The following LRRC49 variants were observed in gnomAD, a reference collection of about 807,000 sequenced individuals.
The protein encoded by LRRC49 is leucine-rich repeat-containing protein 49.
Under a neutral mutation model 83.3 loss-of-function variants are expected in LRRC49, and 50 were observed. That is an observed-to-expected ratio of 0.60 (90% CI 0.48 to 0.76). LRRC49 has a LOEUF of 0.76. LRRC49 is among the 30% of genes least tolerant of loss of function. LRRC49 has a pLI of 0.00. For missense variants in LRRC49, 704 were observed against 809.1 expected (o/e 0.87, Z 1.58); for synonymous variants, 286 against 283.3 (o/e 1.01, Z -0.10).
chr15:70,984,039 C>G, intron 10 of LRRC49, 55 bp from the exon 11 acceptor site: 2 of 1,424,892 alleles, frequency 1.4e-6, no homozygotes, highest in Non-Finnish European at 2.0e-6. Flanking sequence ...TTAGATGTCA[C>G]TTCTGCTACA....
chr15:70,855,468 C>G (rs2032633621), intron 1 of LRRC49, among the ~76,000 whole-genome samples: 1 of 152,306 alleles, frequency 6.6e-6, no homozygotes, highest in Middle Eastern at 3.4e-3. Context: ...ATTTGCCACA[C>G]TGGGACCCCA....
upstream of LRRC49, chr15:70,892,129 A>T (rs1380215488): frequency 1.2e-6 from 2 of 1,613,712 alleles, no homozygotes. Context: ...CCGAGCGGTC[A>T]TTGCCTCCGT....
intron 9 of LRRC49, among the ~76,000 whole-genome samples, chr15:70,964,852 T>G (rs903755730): frequency 5.9e-5 from 9 of 152,308 alleles, no homozygotes; most frequent in African/African-American, 2.2e-4. Context: ...CACCTAGGTT[T>G]ATGCAGTTGC....
intron 10 of LRRC49, 32 bp downstream of exon 10, chr15:70,980,216 T>C: frequency 6.7e-7 from 1 of 1,494,048 alleles, no homozygotes; most frequent in Non-Finnish European, 9.2e-7. Context: ...TGGATGTGTG[T>C]GCACACGTAG....
chr15:70,894,697 C>T (rs756503364), intron 2 of LRRC49: 74 of 1,029,460 alleles, frequency 7.2e-5, no homozygotes, highest in Non-Finnish European at 8.9e-5. Context: ...ATTAAATAGG[C>T]GTCACTGGAA....
exon 2 of LRRC49, chr15:70,873,150 G>A (rs1160348852): frequency 1.7e-5 from 25 of 1,479,690 alleles, no homozygotes; most frequent in Non-Finnish European, 2.2e-5. Context: ...CTCCCAAAGT[G>A]TTGGGATTAC....
Position 70,866,380 on chromosome 15 carries a change from C to T in LRRC49, c.-298-6528C>T, listed in dbSNP as rs145948625. 5.2e-3 allele frequency among the ~76,000 whole-genome samples: 789 copies of T among 152,138 alleles called. 9 individuals carry two copies. Among genetic ancestry groups the T allele is most frequent in the African/African-American group, 0.018 (737 of 41,486 alleles). Reference sequence around the variant, plus strand: ...CAGGATGGTCTCCATCTCTTGATCTCGTGATCCGCCCGCTTCAGACTCCCC... The same window carrying T: ...CAGGATGGTCTCCATCTCTTGATCTTGTGATCCGCCCGCTTCAGACTCCCC... On this transcript the variant is annotated intron_variant, in intron 1 of 16. Coordinates refer to the LRRC49 transcript ENST00000544974.
chr15:70,938,422 T>C (rs1052615273), intron 8 of LRRC49, among the ~76,000 whole-genome samples: 2 of 152,174 alleles, frequency 1.3e-5, no homozygotes, highest in African/African-American at 4.8e-5. Context: ...ATTGCTTTCT[T>C]TGTGTTTTTA....
At chr15:71,025,262 T>C (rs192199929) in intron 14 of LRRC49, among the ~76,000 whole-genome samples, 52 of 152,080 alleles carry the variant, frequency 3.4e-4, no homozygotes, top group African/African-American at 1.2e-3. Flanking sequence ...TCTCCAAGAT[T>C]GAAATGAAGG....
chr15:70,882,546 T>C (rs1310927903), intron 2 of LRRC49: 1 of 1,613,876 alleles, frequency 6.2e-7, no homozygotes, highest in African/African-American at 1.3e-5. Context: ...TCTGAATCAC[T>C]GGAGTAAATG....
At chr15:71,047,316 C>T (rs1304555111) in intron 15 of LRRC49, among the ~76,000 whole-genome samples, 1 of 152,134 alleles carries the variant, frequency 6.6e-6, no homozygotes, top group Non-Finnish European at 1.5e-5. Context: ...TCCAATCCAT[C>T]AGCAGGGAAT....
chr15:71,024,033 A>G (rs1410493759), intron 14 of LRRC49, among the ~76,000 whole-genome samples: 1 of 152,192 alleles, frequency 6.6e-6, no homozygotes, highest in Admixed American at 6.5e-5. Context: ...GCAGTAACCC[A>G]TCCCTGCTTA....
rs182245676 is a variant in LRRC49, at chr15:70,981,154, C to T, written c.1005+970C>T. The stretch of plus-strand genomic sequence containing the variant: ...AGATTTGGAATCATGATACAACAGA[C>T]CCTCAGCATTTGCTGAGGATTGCTC... On this transcript the variant is annotated intron_variant, in intron 10 of 15. Coordinates refer to ENST00000260382, the MANE Select transcript of LRRC49 (RefSeq NM_017691.5). 2.0e-3 allele frequency among the ~76,000 whole-genome samples: 305 copies of T among 152,276 alleles called. 4 individuals are homozygous for T. The highest frequency in any genetic ancestry group is 7.5e-4 in the Non-Finnish European group (51 of 68,014).
At chr15:71,036,155 T>G (rs1012922269) in intron 14 of LRRC49, among the ~76,000 whole-genome samples, 1 of 152,162 alleles carries the variant, frequency 6.6e-6, no homozygotes, top group South Asian at 2.1e-4. Context: ...TAAGAAGTGT[T>G]TGTTATATCC....
intron 11 of LRRC49, among the ~76,000 whole-genome samples, chr15:70,995,674 A>C (rs914205246): frequency 8.5e-5 from 13 of 152,194 alleles, no homozygotes; most frequent in Admixed American, 4.6e-4. Flanking sequence ...ACCTCTGATC[A>C]GTGGATTGCA....
chr15:70,886,585 C>T (rs550021275), intron 2 of LRRC49, among the ~76,000 whole-genome samples: 5 of 152,064 alleles, frequency 3.3e-5, no homozygotes, highest in Non-Finnish European at 5.9e-5. Context: ...ATTGATAAAC[C>T]GGTGGGGTGC....
chr15:70,857,803 A>G (rs1208864058), intron 1 of LRRC49, among the ~76,000 whole-genome samples: 1 of 152,244 alleles, frequency 6.6e-6, no homozygotes, highest in African/African-American at 2.4e-5. Flanking sequence ...CATAAGCAGC[A>G]GGGTATAATG....
chr15:70,853,485 C>G (rs2032542513), intron 1 of LRRC49: 1 of 158,682 alleles, frequency 6.3e-6, no homozygotes, highest in Non-Finnish European at 1.4e-5. Context: ...CGGGACCACT[C>G]GCAAGGGGAG....
chr15:70,931,384 G>T (rs1284104297), intron 7 of LRRC49, among the ~76,000 whole-genome samples: 4 of 152,112 alleles, frequency 2.6e-5, no homozygotes, highest in Admixed American at 2.6e-4. Context: ...TAATATCACA[G>T]ATCACTGATC....
Sources: allele counts gnomAD v4.1 joint callset (sites outside exome capture counted in the v4.1 genomes callset), GRCh38; gene constraint gnomAD v4.1.1; transcripts MANE v1.5; gene names NCBI Gene and HGNC (gene_info 2026-07-23, HGNC 2026-07-21).